The following NRXN1 variants were observed in gnomAD, a reference collection of about 807,000 sequenced individuals.
NRXN1 encodes the protein neurexin-1.
Under a neutral mutation model 150.9 loss-of-function variants are expected in NRXN1, and 39 were observed. That is an observed-to-expected ratio of 0.26 (90% CI 0.20 to 0.34). The LOEUF is 0.34. NRXN1 is among the 10% of genes least tolerant of loss of function. The pLI is 1.00. For synonymous variants in NRXN1, 924 were observed against 757.0 expected, an observed-to-expected ratio of 1.22 and a Z score of -3.62; for missense variants, 1,815 against 1,949.9, an observed-to-expected ratio of 0.93 and a Z score of 1.30.
intron 5 of NRXN1, among the ~76,000 whole-genome samples, chr2:50,903,524 G>T (rs918701960): frequency 4.0e-5 from 6 of 151,886 alleles, no homozygotes; most frequent in Non-Finnish European, 8.8e-5. Flanking sequence ...TTTGTTTTTT[G>T]TAGTGACATG....
At chr2:50,436,665 G>C (rs150412894) in intron 17 of NRXN1, among the ~76,000 whole-genome samples, 1 of 152,264 alleles carries the variant, frequency 6.6e-6, no homozygotes, top group African/African-American at 2.4e-5. Context: ...AGCAGAACCA[G>C]TCATGGAATC....
chr2:50,445,227 G>A (rs552071861), intron 17 of NRXN1, among the ~76,000 whole-genome samples: 4 of 152,260 alleles, frequency 2.6e-5, no homozygotes, highest in South Asian at 4.1e-4. Flanking sequence ...GAGAGATAAA[G>A]AGTATCAGGA....
chr2:50,940,842 T>C (rs763741980), intron 2 of NRXN1, among the ~76,000 whole-genome samples: 1 of 152,162 alleles, frequency 6.6e-6, no homozygotes, highest in East Asian at 1.9e-4. Context: ...CAAAAGGGCA[T>C]CTGAAACTAT....
At chr2:50,983,203 A>AT (rs1272225027) in intron 2 of NRXN1, among the ~76,000 whole-genome samples, 7 of 152,070 alleles carry the variant, frequency 4.6e-5, no homozygotes, top group Non-Finnish European at 8.8e-5. Flanking sequence ...ATCTAATTAA[A>AT]TGCTCTTAAT....
At chr2:50,604,705 TCA>T (rs1676816663) in intron 8 of NRXN1, among the ~76,000 whole-genome samples, 1 of 152,144 alleles carries the variant, frequency 6.6e-6, no homozygotes, top group Admixed American at 6.6e-5. Context: ...TAAATATTTC[TCA>T]GTCACCATCC....
intron 21 of NRXN1, among the ~76,000 whole-genome samples, chr2:50,041,643 G>A (rs1027045759): frequency 1.6e-4 from 25 of 152,226 alleles, no homozygotes; most frequent in Non-Finnish European, 2.9e-5. Context: ...AGACAGCAAG[G>A]AAAAGGTAAA....
chr2:51,004,101 A>G (rs1003196430), intron 2 of NRXN1, among the ~76,000 whole-genome samples: 2 of 151,582 alleles, frequency 1.3e-5, no homozygotes, highest in African/African-American at 4.8e-5. Context: ...ACATTGAACC[A>G]TATATCCAGG....
At chr2:50,169,873 C>G (rs1210496446) in intron 18 of NRXN1, among the ~76,000 whole-genome samples, 1 of 151,710 alleles carries the variant, frequency 6.6e-6, no homozygotes, top group Non-Finnish European at 1.5e-5. Context: ...CAGTTTGGTA[C>G]AGTAAAGAGA....
In NRXN1 at chr2:50,104,138, T is replaced by C. The variant is rs78984674; in HGVS notation, c.3547-12644A>G. Among the ~76,000 whole-genome samples the C allele has an allele frequency of 2.1e-3, 316 of 152,124 alleles. 1 individual carries two copies. The highest frequency in any genetic ancestry group is 7.4e-3 in the African/African-American group (306 of 41,532). ...ATCATTTCGTGAAGCAAAAACTCATTAGTGGTCATCTACTGGAGTACAAAA... is the reference window on the plus strand; with the variant it reads ...ATCATTTCGTGAAGCAAAAACTCATCAGTGGTCATCTACTGGAGTACAAAA... On this transcript the variant is annotated intron_variant, in intron 18 of 22. Coordinates refer to ENST00000401669, the MANE Select transcript of NRXN1 (RefSeq NM_001330078.2).
At chr2:50,423,777 G>T (rs778945366) in intron 17 of NRXN1, among the ~76,000 whole-genome samples, 24 of 152,106 alleles carry the variant, frequency 1.6e-4, no homozygotes, top group Admixed American at 6.5e-4. Flanking sequence ...GGAAAAGAAA[G>T]AAAGAAATTT....
intron 12 of NRXN1, among the ~76,000 whole-genome samples, chr2:50,509,235 G>A (rs1341338096): frequency 6.6e-6 from 1 of 152,268 alleles, no homozygotes; most frequent in South Asian, 2.1e-4. Flanking sequence ...AGAATCTTTG[G>A]CTAACAACTT....
intron 21 of NRXN1, among the ~76,000 whole-genome samples, chr2:50,035,806 CAA>C (rs1689946345): frequency 6.6e-6 from 1 of 152,056 alleles, no homozygotes; most frequent in Non-Finnish European, 1.5e-5. Context: ...TCCATGGTTC[CAA>C]ATTATGTCCT....
intron 17 of NRXN1, among the ~76,000 whole-genome samples, chr2:50,285,307 C>A (rs1472556265): frequency 6.6e-6 from 1 of 152,166 alleles, no homozygotes; most frequent in Non-Finnish European, 1.5e-5. Flanking sequence ...CCAATCCACT[C>A]ATTCTAGTTC....
Position 49,919,082 on chromosome 2 carries a change from G to C in NRXN1, c.*2862C>G, listed in dbSNP as rs557795290. 6.6e-6 allele frequency: 1 copy of C among 152,176 alleles called. No individual in the cohort carries two copies. The highest frequency in any genetic ancestry group is 1.9e-4 in the East Asian group (1 of 5,182). The allele number at this position is 152,176 out of a possible 1,614,324, so 9.4% of individuals were successfully genotyped here. On this transcript the variant is annotated 3_prime_UTR_variant, in exon 23 of 23. Coordinates refer to ENST00000401669, the MANE Select transcript of NRXN1 (RefSeq NM_001330078.2). ...CACTTCACACGTTATTGTAGTATTT[G>C]TTCTTTTAAAAAAGGCAACACATTA... is the stretch of plus-strand genomic sequence containing the variant.
intron 17 of NRXN1, among the ~76,000 whole-genome samples, chr2:50,271,657 C>T (rs1302561184): frequency 6.6e-6 from 1 of 152,106 alleles, no homozygotes; most frequent in Non-Finnish European, 1.5e-5. Context: ...TTTATGGGCA[C>T]ACAGGAAAAT....
chr2:50,281,380 T>C (rs1284869594), intron 17 of NRXN1, among the ~76,000 whole-genome samples: 1 of 152,058 alleles, frequency 6.6e-6, no homozygotes, highest in Non-Finnish European at 1.5e-5. Flanking sequence ...AACTTTGTTC[T>C]GTCCTTTTTG....
chr2:50,001,500 G>A (rs1683922292), intron 21 of NRXN1, among the ~76,000 whole-genome samples: 1 of 152,066 alleles, frequency 6.6e-6, no homozygotes, highest in African/African-American at 2.4e-5. Context: ...GCCACAGAAT[G>A]TGTTAAGAAG....
intron 17 of NRXN1, among the ~76,000 whole-genome samples, chr2:50,290,166 A>G (rs2152942396): frequency 6.6e-6 from 1 of 152,308 alleles, no homozygotes; most frequent in Non-Finnish European, 1.5e-5. Context: ...AGGAGAAATC[A>G]ACAGGTGAAG....
At chr2:50,056,017 G>C (rs1004579071) in intron 19 of NRXN1, among the ~76,000 whole-genome samples, 1 of 152,008 alleles carries the variant, frequency 6.6e-6, no homozygotes, top group Admixed American at 6.6e-5. Flanking sequence ...GAGCACTTAC[G>C]AAGAATCTGA....
Sources: allele counts gnomAD v4.1 joint callset (sites outside exome capture counted in the v4.1 genomes callset), GRCh38; gene constraint gnomAD v4.1.1; transcripts MANE v1.5; gene names NCBI Gene and HGNC (gene_info 2026-07-23, HGNC 2026-07-21).